The following PAPPA variants were observed in gnomAD, a reference collection of about 807,000 sequenced individuals.
PAPPA encodes pappalysin-1.
A neutral mutation model predicts 164.0 loss-of-function variants in PAPPA; 60 were observed. The observed-to-expected ratio is 0.37, with a 90% CI of 0.30 to 0.45. PAPPA has a LOEUF of 0.45. PAPPA is among the 20% of genes least tolerant of loss of function. PAPPA has a pLI of 1.00. For missense variants in PAPPA, 1,782 were observed against 2,087.3 expected (o/e 0.85, Z 2.85); for synonymous variants, 875 against 814.1 (o/e 1.07, Z -1.27).
intron 9 of PAPPA, among the ~76,000 whole-genome samples, chr9:116,282,151 C>A (rs1343640123): frequency 6.6e-6 from 1 of 152,176 alleles, no homozygotes; most frequent in Admixed American, 6.5e-5. Flanking sequence ...TGTGGCTGCT[C>A]AATTCCCTGA....
In PAPPA at chr9:116,353,800, C is replaced by T. The variant is rs746764865; in HGVS notation, c.4347+7C>T. The T allele has an allele frequency of 2.5e-6, 4 of 1,606,464 alleles. No individual in the cohort carries two copies. The highest frequency in any genetic ancestry group is 3.4e-5 in the Admixed American group (2 of 59,434). ...AGACAGTGATGCCTCCCAGGTAAGC[C>T]TCCTGGAACTTGAGATTGATACCAT... On this transcript the variant is annotated splice_region_variant and intron_variant, in intron 17 of 21. Coordinates refer to ENST00000328252, the MANE Select transcript of PAPPA (RefSeq NM_002581.5).
intron 21 of PAPPA, among the ~76,000 whole-genome samples, chr9:116,384,056 T>A (rs922117641): frequency 2.0e-5 from 3 of 152,054 alleles, no homozygotes; most frequent in African/African-American, 7.2e-5. Context: ...GTCGTCTGTG[T>A]ATATATCACT....
chr9:116,367,131 T>A (rs1564243768), intron 18 of PAPPA, among the ~76,000 whole-genome samples: 1 of 152,144 alleles, frequency 6.6e-6, no homozygotes, highest in Non-Finnish European at 1.5e-5. Context: ...CCTTGAATAA[T>A]GGATAGAATT....
In PAPPA at chr9:116,188,089, A is replaced by C. The variant is rs1843998937; in HGVS notation, c.1351A>C (p.Lys451Gln). 6.2e-7 allele frequency: 1 copy of C among 1,614,216 alleles called. No individual in the cohort carries two copies. The highest frequency in any genetic ancestry group is 1.3e-5 in the African/African-American group (1 of 75,058). The change falls in exon 2 of 22, where the codon AAG (lysine) becomes CAG (glutamine). Residue 451 changes from lysine (K) to glutamine (Q), a missense_variant. Around this residue, in one of 2 missense-constraint regions of PAPPA, gnomAD observed 1,324 missense variants for 1,656.9 expected, o/e 0.80. Transcript: ENST00000328252. ...CCTGCGCCACCCTGCCTTCGTGAAG[A>C]AGCAGCACAACGGGGTGTGTGACAT... Reference protein sequence around the residue: ...RHLRHPAFVKKQHNGVCDMDC... With the variant: ...RHLRHPAFVKQQHNGVCDMDC...
intron 2 of PAPPA, among the ~76,000 whole-genome samples, chr9:116,190,013 C>T (rs1295504451): frequency 2.0e-5 from 3 of 152,218 alleles, no homozygotes; most frequent in Non-Finnish European, 4.4e-5. Flanking sequence ...TGGTGTGTGA[C>T]CAGTCTCTTC....
intron 18 of PAPPA, among the ~76,000 whole-genome samples, chr9:116,363,047 G>A (rs61684925): frequency 0.022 from 3,287 of 152,262 alleles, 116 homozygotes; most frequent in African/African-American, 0.075. Context: ...AAAGCTTGTC[G>A]GGGAAGAAAT....
Position 116,257,091 on chromosome 9 carries a change from T to G in PAPPA, c.2733-8766T>G, listed in dbSNP as rs922252821. On this transcript the variant is annotated intron_variant, in intron 7 of 21. Transcript: ENST00000328252. ...AAAACTTTTCAATCAATGGAATTTCTAACAAGCGAAAATCTTATATATTTG... is the reference window on the plus strand; with the variant it reads ...AAAACTTTTCAATCAATGGAATTTCGAACAAGCGAAAATCTTATATATTTG... 2.0e-5 allele frequency among the ~76,000 whole-genome samples: 3 copies of G among 152,022 alleles called. 1 individual carries two copies. Among genetic ancestry groups the G allele is most frequent in the African/African-American group, 4.8e-5 (2 of 41,454 alleles).
intron 13 of PAPPA, among the ~76,000 whole-genome samples, chr9:116,343,926 A>C (rs1426431069): frequency 2.0e-5 from 3 of 151,630 alleles, no homozygotes; most frequent in Admixed American, 2.0e-4. Context: ...ACGCCCAGCT[A>C]ATTTTTTGTA....
Position 116,398,715 on chromosome 9 carries a change from C to A in PAPPA, c.*2099C>A. ...ATTTCACAAACTCTGAAATTGGGTT[C>A]CATATTGGCAAGGCTGCCACAGTTG... On this transcript the variant is annotated 3_prime_UTR_variant, in exon 22 of 22. Transcript: ENST00000328252. The A allele has an allele frequency of 2.1e-6, 1 of 465,918 alleles. No individual in the cohort carries two copies. The highest frequency in any genetic ancestry group is 4.2e-6 in the Non-Finnish European group (1 of 235,962). The allele number at this position is 465,918 out of a possible 1,614,324, so 28.9% of individuals were successfully genotyped here. A position where few individuals can be genotyped will look rare whatever the true frequency, so the allele number is the denominator to read the frequency against.
At chr9:116,168,555 G>A (rs779565368) in intron 1 of PAPPA, among the ~76,000 whole-genome samples, 8 of 152,350 alleles carry the variant, frequency 5.3e-5, no homozygotes, top group Non-Finnish European at 8.8e-5. Flanking sequence ...TTTTCCACCT[G>A]GAAGGATTGG....
intron 18 of PAPPA, among the ~76,000 whole-genome samples, chr9:116,364,091 T>C (rs564454512): frequency 6.6e-6 from 1 of 152,292 alleles, no homozygotes; most frequent in East Asian, 1.9e-4. Flanking sequence ...TTCTAGAAGG[T>C]TGGGCAACAA....
intron 19 of PAPPA, among the ~76,000 whole-genome samples, chr9:116,369,158 T>C (rs941268840): frequency 5.9e-5 from 9 of 152,098 alleles, no homozygotes; most frequent in African/African-American, 2.2e-4. Context: ...TCTCTCTCTC[T>C]CTCTCTGCCT....
chr9:116,252,834 T>G (rs1454903310), intron 7 of PAPPA, among the ~76,000 whole-genome samples: 1 of 152,232 alleles, frequency 6.6e-6, no homozygotes, highest in Non-Finnish European at 1.5e-5. Context: ...CTAAATGAAC[T>G]GTTCTTAATC....
chr9:116,295,064 C>T (rs190335222), intron 9 of PAPPA, among the ~76,000 whole-genome samples: 3 of 152,280 alleles, frequency 2.0e-5, no homozygotes, highest in African/African-American at 7.2e-5. Context: ...TCCTCATCTA[C>T]AGGTAGTTTT....
At chr9:116,208,758 A>G (rs1372988679) in intron 3 of PAPPA, among the ~76,000 whole-genome samples, 1 of 152,078 alleles carries the variant, frequency 6.6e-6, no homozygotes, top group African/African-American at 2.4e-5. Context: ...GCTCAATGAA[A>G]CCATAGACTT....
At chr9:116,390,600 T>C (rs967931556) in intron 21 of PAPPA, among the ~76,000 whole-genome samples, 3 of 152,016 alleles carry the variant, frequency 2.0e-5, no homozygotes, top group Admixed American at 2.0e-4. Flanking sequence ...GGAGGATTAG[T>C]AAGAGACAAC....
At chr9:116,182,311 C>T (rs1040864618) in intron 1 of PAPPA, among the ~76,000 whole-genome samples, 2 of 152,242 alleles carry the variant, frequency 1.3e-5, no homozygotes, top group African/African-American at 4.8e-5. Flanking sequence ...TTTTAACTTT[C>T]AATAACAAAC....
intron 13 of PAPPA, among the ~76,000 whole-genome samples, 196 bp downstream of exon 13, chr9:116,335,270 G>A (rs1017589039): frequency 3.3e-5 from 5 of 152,116 alleles, no homozygotes; most frequent in South Asian, 2.1e-4. Flanking sequence ...TAAGGGAAAC[G>A]GTTGTGTGGT....
At chr9:116,182,563 G>A (rs544729664) in intron 1 of PAPPA, among the ~76,000 whole-genome samples, 53 of 152,278 alleles carry the variant, frequency 3.5e-4, no homozygotes, top group African/African-American at 1.1e-3. Flanking sequence ...GATCTTTAGA[G>A]AATACCCCTA....
Sources: allele counts gnomAD v4.1 joint callset (sites outside exome capture counted in the v4.1 genomes callset), GRCh38; gene constraint gnomAD v4.1.1; regional missense constraint gnomAD v4.1.1; transcripts MANE v1.5; gene names NCBI Gene and HGNC (gene_info 2026-07-23, HGNC 2026-07-21).